Variants in CSMD1 observed in about 807,000 individuals in gnomAD.
The protein encoded by CSMD1 is CUB and sushi domain-containing protein 1.
In CSMD1, 213 loss-of-function variants were observed where a neutral mutation model predicts 417.5. The ratio of observed to expected loss-of-function variants is 0.51; its 90% CI spans 0.46 to 0.57. The LOEUF is 0.57. CSMD1 is among the 20% of genes least tolerant of loss of function. The pLI is 0.00. For synonymous variants in CSMD1, 2,862 were observed against 1,736.8 expected, an observed-to-expected ratio of 1.65 and a Z score of -16.11; for missense variants, 6,923 against 4,529.7, an observed-to-expected ratio of 1.53 and a Z score of -15.17.
At chr8:4,394,182 G>A (rs114949250) in intron 3 of CSMD1, among the ~76,000 whole-genome samples, 3,915 of 152,190 alleles carry the variant, frequency 0.026, 156 homozygotes, top group African/African-American at 0.09. Context: ...ATACATCTGT[G>A]TGTTGTATAC....
At chr8:3,362,373 C>T (rs535174961) in intron 20 of CSMD1, among the ~76,000 whole-genome samples, 2 of 152,240 alleles carry the variant, frequency 1.3e-5, no homozygotes, top group East Asian at 1.9e-4. Flanking sequence ...CTGTGACCTC[C>T]GGATGCAAAA....
intron 7 of CSMD1, among the ~76,000 whole-genome samples, chr8:3,694,097 G>T (rs987119212): frequency 2.6e-5 from 4 of 151,682 alleles, no homozygotes; most frequent in Non-Finnish European, 5.9e-5. Context: ...TGTGTTGTGT[G>T]TGTTTTGGGT....
chr8:4,613,482 G>A (rs952866368), intron 2 of CSMD1, among the ~76,000 whole-genome samples: 7 of 152,162 alleles, frequency 4.6e-5, no homozygotes, highest in Admixed American at 3.9e-4. Flanking sequence ...TGGCCTGGAA[G>A]AGCATACTTA....
At chr8:3,462,326 T>A (rs1816557223) in intron 12 of CSMD1, among the ~76,000 whole-genome samples, 1 of 152,078 alleles carries the variant, frequency 6.6e-6, no homozygotes, top group African/African-American at 2.4e-5. Context: ...AAGGCAAGGG[T>A]TCCCAACCCC....
chr8:3,845,371 G>A (rs538847210), intron 5 of CSMD1, among the ~76,000 whole-genome samples: 1 of 152,146 alleles, frequency 6.6e-6, no homozygotes, highest in Non-Finnish European at 1.5e-5. Context: ...CACCTGTACT[G>A]CATGGGACTG....
At chr8:3,448,418 G>GGAC (rs547403033) in intron 12 of CSMD1, among the ~76,000 whole-genome samples, 1 of 137,216 alleles carries the variant, frequency 7.3e-6, no homozygotes, top group Non-Finnish European at 1.6e-5. Context: ...AAGGAAGGAA[G>GGAC]GGAAGGAAGA....
At chr8:3,250,943 A>G (rs1264768320) in intron 26 of CSMD1, among the ~76,000 whole-genome samples, 3 of 151,964 alleles carry the variant, frequency 2.0e-5, no homozygotes, top group Non-Finnish European at 2.9e-5. Flanking sequence ...GTTTGAGTTC[A>G]TTGTAGATTC....
At chr8:4,971,620 A>C (rs4266670) in intron 1 of CSMD1, among the ~76,000 whole-genome samples, 2 of 151,352 alleles carry the variant, frequency 1.3e-5, no homozygotes, top group Non-Finnish European at 2.9e-5. Context: ...CTAATTGCAA[A>C]TGCATGCATC....
At chr8:3,459,732 C>A (rs1160417367) in intron 12 of CSMD1, among the ~76,000 whole-genome samples, 5 of 152,066 alleles carry the variant, frequency 3.3e-5, no homozygotes, top group Admixed American at 2.0e-4. Flanking sequence ...GGGACCCAAG[C>A]ACTCAAGAAT....
chr8:4,133,134 C>T (rs1448468999), intron 3 of CSMD1, among the ~76,000 whole-genome samples: 1 of 152,088 alleles, frequency 6.6e-6, no homozygotes, highest in Non-Finnish European at 1.5e-5. Context: ...GAAGGGGTTT[C>T]ACCATATTGG....
intron 5 of CSMD1, among the ~76,000 whole-genome samples, chr8:3,841,787 A>C (rs1458824006): frequency 6.6e-6 from 1 of 152,106 alleles, no homozygotes; most frequent in Non-Finnish European, 1.5e-5. Flanking sequence ...AAAATTAGTA[A>C]ATACGTGCAA....
At chr8:4,363,264 C>T (rs1036121443) in intron 3 of CSMD1, among the ~76,000 whole-genome samples, 1 of 152,162 alleles carries the variant, frequency 6.6e-6, no homozygotes, top group African/African-American at 2.4e-5. Flanking sequence ...CATTATCACC[C>T]CTTAAAGGAG....
Position 4,588,919 on chromosome 8 carries a change from A to G in CSMD1, c.302+48423T>C, listed in dbSNP as rs191604730. Among the ~76,000 whole-genome samples, 7 of 152,240 alleles carry G rather than the reference A, an allele frequency of 4.6e-5. No homozygotes were observed. The East Asian group carries it at 1.2e-3, about 25-fold the overall frequency. ...TCCAGGGTGCCCTTTCACTTGGAAA[A>G]AATATACATACACATATACATTGCC... On this transcript the variant is annotated intron_variant, in intron 2 of 69. Transcript: ENST00000635120.
intron 3 of CSMD1, among the ~76,000 whole-genome samples, chr8:4,286,433 TA>T (rs1283886264): frequency 6.6e-6 from 1 of 151,808 alleles, no homozygotes; most frequent in Non-Finnish European, 1.5e-5. Flanking sequence ...TCATGGAGAG[TA>T]TGTTTAGTCG....
intron 40 of CSMD1, among the ~76,000 whole-genome samples, chr8:3,150,849 C>G (rs889511287): frequency 6.6e-6 from 1 of 151,920 alleles, no homozygotes; most frequent in African/African-American, 2.4e-5. Flanking sequence ...TAATAGTATA[C>G]ACAACAATTA....
chr8:4,267,619 T>G (rs898984628), intron 3 of CSMD1, among the ~76,000 whole-genome samples: 2 of 151,890 alleles, frequency 1.3e-5, no homozygotes, highest in Admixed American at 1.3e-4. Flanking sequence ...GACATTTATA[T>G]TAAATATTAA....
At chr8:4,092,755 A>T (rs1000043935) in intron 3 of CSMD1, among the ~76,000 whole-genome samples, 2 of 152,160 alleles carry the variant, frequency 1.3e-5, no homozygotes, top group African/African-American at 4.8e-5. Flanking sequence ...CTTTAAATAT[A>T]ACTTTTATTC....
chr8:4,786,769 C>T (rs1298066532), intron 1 of CSMD1, among the ~76,000 whole-genome samples: 2 of 151,916 alleles, frequency 1.3e-5, no homozygotes, highest in South Asian at 2.1e-4. Context: ...TTTCTTTTGC[C>T]TCAAACTTCA....
rs550082153 is a variant in CSMD1, at chr8:3,481,822, G to A, written c.1448+11801C>T. Among the ~76,000 whole-genome samples the A allele has an allele frequency of 3.3e-4, 51 of 152,296 alleles. 1 individual carries two copies. Among genetic ancestry groups the A allele is most frequent in the Non-Finnish European group, 6.3e-4 (43 of 68,028 alleles). ...AATTCTTCCCCAGGGCCTTTGGAGT[G>A]ATTACAGCTCTGCCCACATGTTGAT... On this transcript the variant is annotated intron_variant, in intron 11 of 69. Transcript: ENST00000635120.
Sources: allele counts gnomAD v4.1 joint callset (sites outside exome capture counted in the v4.1 genomes callset), GRCh38; gene constraint gnomAD v4.1.1; transcripts MANE v1.5; gene names NCBI Gene and HGNC (gene_info 2026-07-23, HGNC 2026-07-21).